KSR2: variants seen among roughly 807,000 people sequenced by gnomAD.
KSR2 encodes the protein kinase suppressor of ras 2.
Under a neutral mutation model 107.8 loss-of-function variants are expected in KSR2, and 25 were observed. The ratio of observed to expected loss-of-function variants is 0.23; its 90% CI spans 0.17 to 0.32. The LOEUF is 0.32. Ranked by LOEUF, KSR2 falls within the 10% of genes least tolerant of loss-of-function variation. KSR2 has a pLI of 1.00. For missense variants in KSR2, 887 were observed against 1,268.9 expected (o/e 0.70, Z 4.57); for synonymous variants, 480 against 507.0 (o/e 0.95, Z 0.71).
intron 5 of KSR2, among the ~76,000 whole-genome samples, chr12:117,593,321 A>G (rs991359439): frequency 2.6e-5 from 4 of 152,224 alleles, no homozygotes; most frequent in Non-Finnish European, 5.9e-5. Context: ...GTGCTCCATC[A>G]ATTTCCATTG....
intron 5 of KSR2, among the ~76,000 whole-genome samples, chr12:117,657,310 G>A (rs1387152872): frequency 3.9e-5 from 6 of 152,096 alleles, no homozygotes; most frequent in Non-Finnish European, 8.8e-5. Context: ...GCAGGGCTGA[G>A]AGATAGAGAC....
intron 17 of KSR2, among the ~76,000 whole-genome samples, chr12:117,472,017 C>T (rs1379101144): frequency 3.3e-5 from 5 of 150,574 alleles, no homozygotes; most frequent in South Asian, 2.1e-4. Context: ...CCCTGCGGAA[C>T]GGTGGAAAGA....
At chr12:117,693,197 A>G (rs924290211) in intron 4 of KSR2, among the ~76,000 whole-genome samples, 1 of 152,238 alleles carries the variant, frequency 6.6e-6, no homozygotes, top group African/African-American at 2.4e-5. Context: ...CAAGCAGCCA[A>G]GACTGACCCC....
At chr12:117,935,639 T>A (rs1048686189) in intron 1 of KSR2, among the ~76,000 whole-genome samples, 1 of 152,174 alleles carries the variant, frequency 6.6e-6, no homozygotes, top group African/African-American at 2.4e-5. Context: ...TGGGCGCCTG[T>A]GATCCTAGCT....
Position 117,640,882 on chromosome 12 carries a change from C to T in KSR2, c.1171+26592G>A, listed in dbSNP as rs577925305. Among the ~76,000 whole-genome samples the T allele has an allele frequency of 3.9e-5, 6 of 152,256 alleles. No individual in the cohort carries two copies. In the East Asian group the frequency reaches 1.2e-3, roughly 29 times the overall value. On this transcript the variant is annotated intron_variant, in intron 5 of 19. Coordinates refer to ENST00000339824, the MANE Select transcript of KSR2 (RefSeq NM_173598.6). ...AGCTGAGAAGAGCTCATGTCACTTC[C>T]CCCCAAAAGCACCCAGTTTACTCCC...
intron 1 of KSR2, among the ~76,000 whole-genome samples, chr12:117,937,007 C>G (rs1895867779): frequency 6.6e-6 from 1 of 152,228 alleles, no homozygotes; most frequent in Admixed American, 6.5e-5. Flanking sequence ...AAGGTGGTAT[C>G]TGGGCTCAGC....
intron 4 of KSR2, among the ~76,000 whole-genome samples, chr12:117,676,277 C>CA (rs955017162): frequency 2.8e-4 from 42 of 151,400 alleles, no homozygotes; most frequent in African/African-American, 9.0e-4. Context: ...AGCGTCCTGG[C>CA]AAAAAAAAGG....
intron 16 of KSR2, among the ~76,000 whole-genome samples, chr12:117,483,818 G>A (rs936013340): frequency 5.3e-5 from 8 of 152,212 alleles, no homozygotes; most frequent in African/African-American, 1.7e-4. Flanking sequence ...CTTTTGAGGT[G>A]CATTGGGCAC....
At chr12:117,471,649 A>G (rs1871465173) in intron 17 of KSR2, among the ~76,000 whole-genome samples, 1 of 152,186 alleles carries the variant, frequency 6.6e-6, no homozygotes, top group African/African-American at 2.4e-5. Flanking sequence ...GATATTCTCT[A>G]AAGCACTATA....
At chr12:117,562,348 G>A (rs1878185417) in intron 7 of KSR2, among the ~76,000 whole-genome samples, 1 of 152,194 alleles carries the variant, frequency 6.6e-6, no homozygotes, top group Non-Finnish European at 1.5e-5. Context: ...GAAGTTTTCT[G>A]AGGACCATGA....
intron 3 of KSR2, among the ~76,000 whole-genome samples, chr12:117,771,373 G>A (rs796894563): frequency 2.0e-5 from 3 of 152,248 alleles, no homozygotes; most frequent in African/African-American, 7.2e-5. Flanking sequence ...TGGAACCAAT[G>A]TACATCTTAC....
chr12:117,626,124 A>C (rs2136355624), intron 5 of KSR2, among the ~76,000 whole-genome samples: 1 of 151,860 alleles, frequency 6.6e-6, no homozygotes, highest in South Asian at 2.1e-4. Context: ...CTAGCAGTCT[A>C]TCTATTTTGT....
In KSR2 at chr12:117,891,679, C is replaced by A. The variant is rs570031007; in HGVS notation, c.181-31248G>T. On this transcript the variant is annotated intron_variant, in intron 1 of 19. Coordinates refer to ENST00000339824, the MANE Select transcript of KSR2 (RefSeq NM_173598.6). ...GAAGCATGGGATGAAAACCAACCAA[C>A]CAAACAAACAAACAAAAAACAATTA... 1.8e-3 allele frequency among the ~76,000 whole-genome samples: 268 copies of A among 151,976 alleles called. 2 individuals are homozygous for A. The highest frequency in any genetic ancestry group is 2.9e-3 in the Non-Finnish European group (196 of 67,932).
chr12:117,843,281 G>A lies in KSR2; in HGVS notation c.472+12147C>T, dbSNP rs574242405. ...TAGTTTAGCCTAGAACGAGTTAAGT[G>A]AAATCCAACAAGTCCCTTCCCTTCT... is the stretch of plus-strand genomic sequence containing the variant. On this transcript the variant is annotated intron_variant, in intron 3 of 19. Coordinates refer to ENST00000339824, the MANE Select transcript of KSR2 (RefSeq NM_173598.6). Among the ~76,000 whole-genome samples, 3 of 152,294 alleles carry A rather than the reference G, an allele frequency of 2.0e-5. No individual in the cohort carries two copies. The East Asian group carries it at 5.8e-4, about 29-fold the overall frequency.
rs965752650 is a variant in KSR2, at chr12:117,898,595, C to T, written c.181-38164G>A. Among the ~76,000 whole-genome samples the T allele has an allele frequency of 2.6e-4, 40 of 152,080 alleles. 1 individual carries two copies. Among genetic ancestry groups the T allele is most frequent in the Admixed American group, 1.3e-4 (2 of 15,278 alleles). On this transcript the variant is annotated intron_variant, in intron 1 of 19. Transcript: ENST00000339824. ...TCAGCCTCCCAACGTGCTGGGATTA[C>T]GGGTGTGAGCCACCATGGCTGGCCT... is the stretch of plus-strand genomic sequence containing the variant.
At chr12:117,582,982 C>T (rs575896468) in intron 5 of KSR2, among the ~76,000 whole-genome samples, 68 of 152,086 alleles carry the variant, frequency 4.5e-4, no homozygotes, top group Non-Finnish European at 8.8e-4. Flanking sequence ...TGTTTAAGTA[C>T]ACTTATTTTA....
intron 3 of KSR2, among the ~76,000 whole-genome samples, chr12:117,836,715 C>T (rs1274425187): frequency 6.6e-6 from 1 of 152,192 alleles, no homozygotes; most frequent in Non-Finnish European, 1.5e-5. Context: ...AACTGTGGCC[C>T]GTGTCTTTTT....
chr12:117,474,118 G>T (rs1871634536), intron 17 of KSR2, among the ~76,000 whole-genome samples: 1 of 152,090 alleles, frequency 6.6e-6, no homozygotes, highest in African/African-American at 2.4e-5. Flanking sequence ...AGAAATAAAA[G>T]CCTCATTAAA....
intron 4 of KSR2, among the ~76,000 whole-genome samples, chr12:117,726,541 C>T (rs1047712174): frequency 1.3e-5 from 2 of 152,162 alleles, no homozygotes; most frequent in African/African-American, 2.4e-5. Context: ...TTGGTCTCTC[C>T]CCAGGTGCCA....
Sources: allele counts gnomAD v4.1 joint callset (sites outside exome capture counted in the v4.1 genomes callset), GRCh38; gene constraint gnomAD v4.1.1; transcripts MANE v1.5; gene names NCBI Gene and HGNC (gene_info 2026-07-23, HGNC 2026-07-21).